The following PPP1R16A variants were observed in gnomAD, a reference collection of about 807,000 sequenced individuals.
PPP1R16A encodes protein phosphatase 1 regulatory subunit 16A, also known as myosin phosphatase-targeting subunit 3.
In PPP1R16A, 39 loss-of-function variants were observed where a neutral mutation model predicts 46.6. That is an observed-to-expected ratio of 0.84 (90% CI 0.65 to 1.09). The LOEUF is 1.09. Ranked by LOEUF, PPP1R16A falls within the 50% of genes least tolerant of loss-of-function variation. The pLI is 0.00. For missense variants in PPP1R16A, 798 were observed against 735.6 expected (o/e 1.08, Z -0.98); for synonymous variants, 413 against 321.5 (o/e 1.28, Z -3.04).
At chr8:144,487,774 A>G (rs557826053) in intron 1 of PPP1R16A, among the ~76,000 whole-genome samples, 31 of 152,308 alleles carry the variant, frequency 2.0e-4, no homozygotes, top group African/African-American at 6.7e-4. Flanking sequence ...GACATCTAAT[A>G]GTGTAAGTAC....
Position 144,493,299 on chromosome 8 carries a change from G to C in PPP1R16A, c.-735+3087G>C, listed in dbSNP as rs1342586554. 6.6e-6 allele frequency among the ~76,000 whole-genome samples: 1 copy of C among 152,174 alleles called. No individual in the cohort carries two copies. Among genetic ancestry groups the C allele is most frequent in the Non-Finnish European group, 1.5e-5 (1 of 68,010 alleles). ...TATCTGTTTAGAACTGGAATGAACC[G>C]ACCCGGGAATCTGTTTGACATTCCA... On this transcript the variant is annotated intron_variant, in intron 2 of 11. Transcript: ENST00000435887. This position sits in a 1 kb window ranked among gnomAD's most constrained non-coding sequence, Gnocchi z 4.3.
chr8:144,483,345 C>A (rs1229014101), intron 1 of PPP1R16A, among the ~76,000 whole-genome samples: 1 of 152,220 alleles, frequency 6.6e-6, no homozygotes, highest in Non-Finnish European at 1.5e-5. Context: ...TCTCCTTCAT[C>A]ACGTGAATTT....
intron 1 of PPP1R16A, among the ~76,000 whole-genome samples, chr8:144,481,185 G>A (rs1483426246): frequency 4.0e-5 from 6 of 151,162 alleles, no homozygotes; most frequent in Admixed American, 2.0e-4. Context: ...CACCGCGCCC[G>A]GCCTGTTTGA....
chr8:144,491,762 C>CAAA (rs549819147), intron 2 of PPP1R16A, among the ~76,000 whole-genome samples: 2 of 83,784 alleles, frequency 2.4e-5, no homozygotes, highest in African/African-American at 8.7e-5. Context: ...GACTCTGTTT[C>CAAA]AAAAAAAAAA....
At chr8:144,492,491 C>A (rs553721769) in intron 2 of PPP1R16A, among the ~76,000 whole-genome samples, 28 of 152,062 alleles carry the variant, frequency 1.8e-4, no homozygotes, top group East Asian at 9.7e-4. Flanking sequence ...GCCTGCCACC[C>A]CACCCAGCTA....
chr8:144,485,603 C>T (rs6996776), intron 1 of PPP1R16A, among the ~76,000 whole-genome samples: 3,648 of 152,132 alleles, frequency 0.024, 143 homozygotes, highest in African/African-American at 0.084. Context: ...GTAGACTTCC[C>T]GGGTACCCAT....
At chr8:144,486,469 C>T (rs770723336) in intron 1 of PPP1R16A, among the ~76,000 whole-genome samples, 20 of 152,228 alleles carry the variant, frequency 1.3e-4, no homozygotes, top group Non-Finnish European at 2.6e-4. Context: ...CCACACTGCT[C>T]TCCAGAGTGG....
intron 1 of PPP1R16A, among the ~76,000 whole-genome samples, chr8:144,480,726 C>G (rs1273045778): frequency 6.6e-6 from 1 of 152,166 alleles, no homozygotes; most frequent in Non-Finnish European, 1.5e-5. Flanking sequence ...CCTCATTATC[C>G]TCCTGCCTTG....
intron 11 of PPP1R16A, 101 bp downstream of exon 11, chr8:144,501,395 G>T: frequency 1.3e-6 from 2 of 1,485,568 alleles, no homozygotes; most frequent in South Asian, 2.7e-5. Context: ...CAGGAATGGT[G>T]CCCTGCAGGG....
rs1285477881 is a variant in PPP1R16A, at chr8:144,497,043, C to T, written c.-152C>T. 4 of 1,008,332 alleles carry T rather than the reference C, an allele frequency of 4.0e-6. No homozygotes were observed. Among genetic ancestry groups the T allele is most frequent in the Non-Finnish European group, 4.3e-6 (3 of 692,998 alleles). 62.5% of individuals were successfully genotyped at this position (1,008,332 alleles called of 1,614,324 possible). A position where few individuals can be genotyped will look rare whatever the true frequency, so the allele number is the denominator to read the frequency against. The stretch of plus-strand genomic sequence containing the variant: ...GCCTGGGCCTGGTTATTGTGTGGGG[C>T]CTCCTGACCCAGCCAAGGGCACGAA... On this transcript the variant is annotated 5_prime_UTR_variant, in exon 3 of 12. Coordinates refer to ENST00000435887, the MANE Select transcript of PPP1R16A (RefSeq NM_001329443.2).
chr8:144,485,544 A>G (rs954889568), intron 1 of PPP1R16A, among the ~76,000 whole-genome samples: 4 of 151,744 alleles, frequency 2.6e-5, no homozygotes, highest in African/African-American at 9.7e-5. Flanking sequence ...AAAACAATAG[A>G]TAAAGAAAAA....
chr8:144,500,654 A>G lies in PPP1R16A; in HGVS notation c.832-32A>G, dbSNP rs144799905. On this transcript the variant is annotated intron_variant, in intron 8 of 11. Transcript: ENST00000435887. ...GCAGGTGGGAGGGGGCTTCCAGCGC[A>G]GCAGTCTGCAGCTCCGGCCTGCCGT... 1.2e-3 allele frequency: 1,851 copies of G among 1,606,790 alleles called. 18 individuals carry two copies. In the East Asian group the frequency reaches 0.018, roughly 16 times the overall value.
chr8:144,483,268 T>G (rs1050634379), intron 1 of PPP1R16A, among the ~76,000 whole-genome samples: 1 of 152,202 alleles, frequency 6.6e-6, no homozygotes, highest in African/African-American at 2.4e-5. Flanking sequence ...AATTCCTGCC[T>G]CCTACAAATG....
At chr8:144,486,088 T>G (rs1294942608) in intron 1 of PPP1R16A, among the ~76,000 whole-genome samples, 1 of 152,118 alleles carries the variant, frequency 6.6e-6, no homozygotes, top group African/African-American at 2.4e-5. Context: ...TTTCCCCCAG[T>G]TTTTTGCTAT....
At position 144,501,993 on chromosome 8, in the gene PPP1R16A, C is replaced by T. The variant is rs538312697; in HGVS notation, c.*90C>T. ...GTGCCCTGGTGCTGCGGGTGCAGCA[C>T]GGAAACCCCGGCTTCTACTGTACAG... On this transcript the variant is annotated 3_prime_UTR_variant, in exon 12 of 12. Coordinates refer to ENST00000435887, the MANE Select transcript of PPP1R16A (RefSeq NM_001329443.2). 1,056 of 1,318,946 alleles carry T rather than the reference C, an allele frequency of 8.0e-4. 1 individual carries two copies. Among genetic ancestry groups the T allele is most frequent in the Non-Finnish European group, 9.6e-4 (958 of 992,942 alleles). The allele number at this position is 1,318,946 out of a possible 1,614,324, so 81.7% of individuals were successfully genotyped here.
intron 1 of PPP1R16A, chr8:144,478,982 A>C (rs1260969386): frequency 6.5e-6 from 1 of 153,028 alleles, no homozygotes; most frequent in Non-Finnish European, 1.5e-5. Flanking sequence ...TTCTTCCTGG[A>C]TTCCTACCTG....
chr8:144,484,814 T>G (rs1825577642), intron 1 of PPP1R16A, among the ~76,000 whole-genome samples: 1 of 152,224 alleles, frequency 6.6e-6, no homozygotes, highest in African/African-American at 2.4e-5. Context: ...AATGTCCAAA[T>G]CACGGGGTCT....
intron 1 of PPP1R16A, among the ~76,000 whole-genome samples, chr8:144,480,572 C>T (rs939148832): frequency 7.2e-5 from 11 of 151,954 alleles, no homozygotes; most frequent in Non-Finnish European, 1.3e-4. Flanking sequence ...CTGCAACCTC[C>T]GTCTCTCGAA....
rs757592608 is a variant in PPP1R16A, at chr8:144,500,675, G to T, written c.832-11G>T. 6.2e-7 allele frequency: 1 copy of T among 1,609,574 alleles called. No homozygotes were observed. The highest frequency in any genetic ancestry group is 2.2e-5 in the East Asian group (1 of 44,836). On this transcript the variant is annotated splice_polypyrimidine_tract_variant and intron_variant, in intron 8 of 11. Transcript: ENST00000435887. ...GCGCAGCAGTCTGCAGCTCCGGCCTGCCGTCCACAGGTGCCCCTGGTGGAG... is the reference window on the plus strand; with the variant it reads ...GCGCAGCAGTCTGCAGCTCCGGCCTTCCGTCCACAGGTGCCCCTGGTGGAG...
Sources: allele counts gnomAD v4.1 joint callset (sites outside exome capture counted in the v4.1 genomes callset), GRCh38; gene constraint gnomAD v4.1.1; non-coding constraint Gnocchi (gnomAD v3.1); transcripts MANE v1.5; gene names NCBI Gene and HGNC (gene_info 2026-07-23, HGNC 2026-07-21).